The following RBX1 variants were observed in gnomAD, a reference collection of about 807,000 sequenced individuals.
The protein encoded by RBX1 is ring-box 1.
For synonymous variants in RBX1, 48 were observed against 47.9 expected (o/e 1.00, Z -0.01); for missense variants, 46 against 141.4 (o/e 0.33, Z 3.42).
At chr22:40,955,554 A>G (rs1375081020) in intron 2 of RBX1, among the ~76,000 whole-genome samples, 1 of 152,260 alleles carries the variant, frequency 6.6e-6, no homozygotes, top group Non-Finnish European at 1.5e-5. Flanking sequence ...TCTTTGTACT[A>G]TCTTTGAAAT....
chr22:40,961,388 T>G (rs915511118), intron 2 of RBX1, among the ~76,000 whole-genome samples: 9 of 151,740 alleles, frequency 5.9e-5, no homozygotes, highest in African/African-American at 2.2e-4. Flanking sequence ...CCTGACCCAA[T>G]TCTTTATTTT....
chr22:40,972,203 A>G (rs1167326402), intron 4 of RBX1, among the ~76,000 whole-genome samples: 3 of 152,124 alleles, frequency 2.0e-5, no homozygotes. Context: ...TAATACCACC[A>G]GGCAGCTACT....
Position 40,953,494 on chromosome 22 carries a change from C to G in RBX1, c.79-61C>G. On this transcript the variant is annotated intron_variant, in intron 1 of 4. Transcript: ENST00000216225. Reference sequence around the variant, plus strand: ...ATAACTGCAGCTGCAGCCTGAGGTCCTAAAGAGTATGTGTGTGTGTTACAA... The same window carrying G: ...ATAACTGCAGCTGCAGCCTGAGGTCGTAAAGAGTATGTGTGTGTGTTACAA... The G allele has an allele frequency of 5.2e-6, 6 of 1,147,020 alleles. No individual in the cohort carries two copies. In the South Asian group the frequency reaches 7.4e-5, roughly 14 times the overall value. 71.1% of individuals were successfully genotyped at this position (1,147,020 alleles called of 1,614,324 possible).
Position 40,971,044 on chromosome 22 carries a change from A to G in RBX1, c.315-1432A>G, listed in dbSNP as rs557223639. ...ACAGGAATACATGTCAAGGCAGAGG[A>G]CTTTTCATAGTTTTCAGGGGGCCTT... On this transcript the variant is annotated intron_variant, in intron 4 of 4. Transcript: ENST00000216225. Among the ~76,000 whole-genome samples the G allele has an allele frequency of 2.6e-5, 4 of 152,292 alleles. No individual in the cohort carries two copies. In the South Asian group the frequency reaches 8.3e-4, roughly 32 times the overall value.
chr22:40,964,309 A>G lies in RBX1; in HGVS notation c.228+192A>G. ...ACAGGGTAAAAATTACAGTTACTGC[A>G]AAGAGGCACTTATTTGTCTTAATTA... On this transcript the variant is annotated intron_variant, in intron 3 of 4. Transcript: ENST00000216225. 1.0e-5 allele frequency: 5 copies of G among 487,732 alleles called. No individual in the cohort carries two copies. The South Asian group carries it at 1.4e-4, about 13-fold the overall frequency. 30.2% of individuals were successfully genotyped at this position (487,732 alleles called of 1,614,324 possible).
chr22:40,956,055 A>G (rs916790800), intron 2 of RBX1, among the ~76,000 whole-genome samples: 1 of 151,704 alleles, frequency 6.6e-6, no homozygotes, highest in Admixed American at 6.6e-5. Context: ...ATGATTTTAT[A>G]TAACCCTGAT....
chr22:40,955,807 T>C (rs2058323881), intron 2 of RBX1, among the ~76,000 whole-genome samples: 1 of 152,216 alleles, frequency 6.6e-6, no homozygotes, highest in Non-Finnish European at 1.5e-5. Context: ...TTCTTTGAGC[T>C]TTGACACTGT....
chr22:40,956,510 C>A (rs932094378), intron 2 of RBX1, among the ~76,000 whole-genome samples: 1 of 151,288 alleles, frequency 6.6e-6, no homozygotes, highest in Admixed American at 6.6e-5. Flanking sequence ...CCACCTCACC[C>A]GGCTCATTTT....
chr22:40,955,621 C>T (rs553860863), intron 2 of RBX1, among the ~76,000 whole-genome samples: 1 of 152,198 alleles, frequency 6.6e-6, no homozygotes, highest in Non-Finnish European at 1.5e-5. Context: ...ATTTCAAGTG[C>T]TCAGTAGTCA....
chr22:40,972,085 C>T (rs1010671558), intron 4 of RBX1, among the ~76,000 whole-genome samples: 2 of 152,104 alleles, frequency 1.3e-5, no homozygotes, highest in South Asian at 2.1e-4. Flanking sequence ...GAAAATAGGC[C>T]GCCATGATCA....
chr22:40,962,254 A>G lies in RBX1; in HGVS notation c.158-1793A>G, dbSNP rs537150253. Among the ~76,000 whole-genome samples the G allele has an allele frequency of 8.6e-5, 13 of 151,922 alleles. No homozygotes were observed. In the South Asian group the frequency reaches 2.1e-3, roughly 24 times the overall value. ...GTAACTGGGATTGCAGACATGTACC[A>G]CCATGCACCACTAACTTTTGTATTT... On this transcript the variant is annotated intron_variant, in intron 2 of 4. Transcript: ENST00000216225.
chr22:40,955,511 A>G (rs1406425180), intron 2 of RBX1, among the ~76,000 whole-genome samples: 1 of 150,128 alleles, frequency 6.7e-6, no homozygotes, highest in East Asian at 1.9e-4. Context: ...CATGTAATTG[A>G]TGTAAAAAAA....
intron 2 of RBX1, among the ~76,000 whole-genome samples, chr22:40,961,767 A>T (rs996428811): frequency 1.3e-5 from 2 of 150,204 alleles, no homozygotes; most frequent in African/African-American, 4.9e-5. Context: ...TGGCTAGCAA[A>T]AGTAAGTGCT....
chr22:40,972,649 C>A lies in RBX1; in HGVS notation c.*161C>A. ...ATTGTATTCTGTGTCAAATAAAGTC[C>A]AGTTGGATTCTGGAACGGATGCTCT... On this transcript the variant is annotated 3_prime_UTR_variant, in exon 5 of 5. Coordinates refer to ENST00000216225, the MANE Select transcript of RBX1 (RefSeq NM_014248.4). The A allele has an allele frequency of 1.7e-6, 1 of 605,328 alleles. No individual in the cohort carries two copies. The highest frequency in any genetic ancestry group is 3.0e-6 in the Non-Finnish European group (1 of 337,432). The allele number at this position is 605,328 out of a possible 1,614,324, so 37.5% of individuals were successfully genotyped here. A position where few individuals can be genotyped will look rare whatever the true frequency, so the allele number is the denominator to read the frequency against.
intron 1 of RBX1, among the ~76,000 whole-genome samples, chr22:40,952,728 A>C (rs1288788399): frequency 6.6e-6 from 1 of 152,222 alleles, no homozygotes; most frequent in Non-Finnish European, 1.5e-5. Context: ...AATTCTAGTG[A>C]ATTGTAGAAT....
intron 2 of RBX1, among the ~76,000 whole-genome samples, chr22:40,954,692 T>C (rs931235945): frequency 2.6e-5 from 4 of 152,132 alleles, no homozygotes; most frequent in African/African-American, 7.2e-5. Flanking sequence ...CTTTACAACT[T>C]TGTCTTGAGT....
At chr22:40,952,921 T>C (rs1278776289) in intron 1 of RBX1, among the ~76,000 whole-genome samples, 1 of 152,050 alleles carries the variant, frequency 6.6e-6, no homozygotes, top group Non-Finnish European at 1.5e-5. Context: ...CAGATACTTA[T>C]TCAGATTTTG....
At chr22:40,958,904 C>G (rs1178897025) in intron 2 of RBX1, among the ~76,000 whole-genome samples, 3 of 151,882 alleles carry the variant, frequency 2.0e-5, no homozygotes, top group East Asian at 1.9e-4. Flanking sequence ...ACCTCTGCCT[C>G]CCAGGTTCAA....
chr22:40,964,236 T>A (rs1294638482), intron 3 of RBX1, 119 bp downstream of exon 3: 1 of 696,196 alleles, frequency 1.4e-6, no homozygotes, highest in Admixed American at 2.7e-5. Context: ...TCCCAAAAGG[T>A]ATACAAATAG....
Sources: gnomAD v4.1 joint callset for allele counts (sites outside exome capture counted in the v4.1 genomes callset) on GRCh38, gnomAD v4.1.1 for gene constraint, MANE v1.5 for transcripts, NCBI Gene and HGNC (gene_info 2026-07-23, HGNC 2026-07-21) for gene names.